The following EMC3 variants were observed in gnomAD, a reference collection of about 807,000 sequenced individuals.
EMC3 encodes ER membrane protein complex subunit 3, also known as 30 kDa protein.
EMC3 carries 13 observed loss-of-function variants against 36.6 expected under a neutral mutation model. That is an observed-to-expected ratio of 0.35 (90% CI 0.23 to 0.56). The LOEUF (loss-of-function observed/expected upper bound fraction) is 0.56, where lower values mean the gene tolerates loss of function less well. Among genes scored for constraint, EMC3 ranks in the 20% least tolerant of loss-of-function variants. The pLI is 0.84. For missense variants in EMC3, 220 were observed against 324.5 expected, an observed-to-expected ratio of 0.68 and a Z score of 2.47; for synonymous variants, 120 against 111.9, an observed-to-expected ratio of 1.07 and a Z score of -0.46.
intron 1 of EMC3, among the ~76,000 whole-genome samples, chr3:9,980,172 C>G (rs1328393716): frequency 6.6e-6 from 1 of 151,934 alleles, no homozygotes; most frequent in Middle Eastern, 3.2e-3. Flanking sequence ...CACCACCATG[C>G]CCAGCTAATT....
chr3:9,998,406 A>AATAATT (rs757919421), intron 1 of EMC3, among the ~76,000 whole-genome samples: 20 of 143,752 alleles, frequency 1.4e-4, no homozygotes, highest in South Asian at 4.5e-4. Context: ...TAATAATAAT[A>AATAATT]ATTTTGCTTT....
intron 1 of EMC3, chr3:9,994,194 A>C (rs1406513150): frequency 7.6e-6 from 12 of 1,584,768 alleles, no homozygotes; most frequent in Non-Finnish European, 9.5e-6. Flanking sequence ...CAAGGTTCTT[A>C]AGGATATGTG....
At chr3:10,007,794 G>C (rs2086280825) in intron 1 of EMC3, among the ~76,000 whole-genome samples, 1 of 152,122 alleles carries the variant, frequency 6.6e-6, no homozygotes, top group African/African-American at 2.4e-5. Context: ...AGGTCCAGAA[G>C]GCCCCACCCT....
intron 2 of EMC3, 54 bp downstream of exon 2, chr3:9,977,335 A>T: frequency 6.6e-7 from 1 of 1,518,102 alleles, no homozygotes; most frequent in East Asian, 2.3e-5. Context: ...ACATTCAGAT[A>T]TCTACTGCCC....
intron 1 of EMC3, among the ~76,000 whole-genome samples, chr3:9,983,812 CT>C (rs1162857468): frequency 6.6e-6 from 1 of 152,176 alleles, no homozygotes; most frequent in African/African-American, 2.4e-5. Flanking sequence ...GGCAGAGAAT[CT>C]ACGACAGCAG....
At chr3:9,995,690 G>GCAGTTGGCGCTGTCT (rs1372671579) in intron 1 of EMC3, among the ~76,000 whole-genome samples, 8 of 151,992 alleles carry the variant, frequency 5.3e-5, no homozygotes, top group African/African-American at 1.9e-4. Flanking sequence ...AGACTGGAGT[G>GCAGTTGGCGCTGTCT]CAGTTGGCGC....
At position 9,986,775 on chromosome 3, in the gene EMC3, C is replaced by G; in HGVS notation, c.-114G>C. On this transcript the variant is annotated 5_prime_UTR_variant, in exon 1 of 8. Transcript: ENST00000245046. ...TTCTCAAGCCCCTTTGCCCGTGTAC[C>G]CCAGAACTCTCCTGCGACTGTGAGC... 6.6e-7 allele frequency: 1 copy of G among 1,514,326 alleles called. No homozygotes were observed. 93.8% of individuals were successfully genotyped at this position (1,514,326 alleles called of 1,614,324 possible). A position where few individuals can be genotyped will look rare whatever the true frequency, so the allele number is the denominator to read the frequency against.
chr3:9,979,873 C>T (rs1368021878), intron 1 of EMC3, among the ~76,000 whole-genome samples: 2 of 151,996 alleles, frequency 1.3e-5, no homozygotes, highest in African/African-American at 4.8e-5. Flanking sequence ...GCAAAAGCCT[C>T]GTAGAAGTAA....
intron 7 of EMC3, among the ~76,000 whole-genome samples, chr3:9,966,512 T>C (rs1341862164): frequency 1.3e-5 from 2 of 151,254 alleles, no homozygotes; most frequent in African/African-American, 2.4e-5. Context: ...TGAGCCACCA[T>C]GCCCAGCCCT....
chr3:9,982,354 A>G (rs1049781406), intron 1 of EMC3, among the ~76,000 whole-genome samples: 3 of 151,966 alleles, frequency 2.0e-5, no homozygotes, highest in African/African-American at 7.3e-5. Context: ...TCCCAGTTCA[A>G]GCGATTCTCC....
At chr3:9,972,358 A>C (rs1409071081) in intron 5 of EMC3, among the ~76,000 whole-genome samples, 1 of 151,800 alleles carries the variant, frequency 6.6e-6, no homozygotes, top group Non-Finnish European at 1.5e-5. Flanking sequence ...TGCATTCTTA[A>C]GCCCCCAATT....
intron 1 of EMC3, among the ~76,000 whole-genome samples, chr3:9,979,820 G>A (rs185733823): frequency 6.6e-6 from 1 of 152,262 alleles, no homozygotes; most frequent in Non-Finnish European, 1.5e-5. Flanking sequence ...TCTTCAGGAT[G>A]AGTGAGGATT....
chr3:10,005,835 C>CA (rs1284473845), intron 1 of EMC3, among the ~76,000 whole-genome samples: 1 of 152,146 alleles, frequency 6.6e-6, no homozygotes, highest in African/African-American at 2.4e-5. Context: ...TTAGAGCACA[C>CA]AAAACAAGAG....
At chr3:10,006,198 A>G (rs1163799126) in intron 1 of EMC3, among the ~76,000 whole-genome samples, 1 of 152,138 alleles carries the variant, frequency 6.6e-6, no homozygotes, top group Non-Finnish European at 1.5e-5. Context: ...GCATCGTCCA[A>G]GCTGAGAAGT....
intron 3 of EMC3, 126 bp from the exon 4 acceptor site, chr3:9,974,614 A>G: frequency 4.9e-6 from 3 of 608,994 alleles, no homozygotes; most frequent in Admixed American, 4.9e-5. Context: ...GCTGGAGTGC[A>G]GTGGTGCGAT....
upstream of EMC3, among the ~76,000 whole-genome samples, chr3:9,987,554 G>T (rs367788064): frequency 7.2e-5 from 11 of 152,338 alleles, 1 homozygote; most frequent in East Asian, 9.6e-4. Context: ...TATCGCACGT[G>T]TTAAAGGCGG....
chr3:9,975,817 A>G (rs1377237122), intron 3 of EMC3, among the ~76,000 whole-genome samples: 30 of 66,694 alleles, frequency 4.5e-4, no homozygotes, highest in African/African-American at 4.0e-3. Flanking sequence ...TTTCTGAAGA[A>G]AAAAAAAAAA....
chr3:10,003,624 A>G (rs1424230656), intron 1 of EMC3: 1 of 209,606 alleles, frequency 4.8e-6, no homozygotes, highest in Non-Finnish European at 9.8e-6. Context: ...GGCCATCAAA[A>G]TCATCCCCAA....
At chr3:10,003,961 C>T (rs543476936) in intron 1 of EMC3, 1 of 152,552 alleles carries the variant, frequency 6.6e-6, no homozygotes, top group South Asian at 2.1e-4. Flanking sequence ...TTTGGTACCA[C>T]ATTCCATGAT....
Sources: gnomAD v4.1 joint callset for allele counts (sites outside exome capture counted in the v4.1 genomes callset) on GRCh38, gnomAD v4.1.1 for gene constraint, MANE v1.5 for transcripts, NCBI Gene and HGNC (gene_info 2026-07-23, HGNC 2026-07-21) for gene names.